SLC28A1: variants seen among roughly 807,000 people sequenced by gnomAD.
SLC28A1 encodes solute carrier family 28 member 1, also known as sodium/nucleoside cotransporter 1.
In SLC28A1, 64 loss-of-function variants were observed where a neutral mutation model predicts 74.8. That is an observed-to-expected ratio of 0.86 (90% CI 0.70 to 1.05). The LOEUF (loss-of-function observed/expected upper bound fraction) is 1.05. Among genes scored for constraint, SLC28A1 ranks in the 50% least tolerant of loss-of-function variants. The pLI, the probability that SLC28A1 is intolerant of heterozygous loss-of-function variation, is 0.00. For missense variants in SLC28A1, 828 were observed against 822.8 expected (o/e 1.01, Z -0.08); for synonymous variants, 359 against 335.0 (o/e 1.07, Z -0.78).
chr15:84,970,542 C>T, the SLC28A1 span, among the ~76,000 whole-genome samples: 6 of 152,166 alleles, frequency 3.9e-5, no homozygotes, highest in African/African-American at 1.4e-4. Flanking sequence ...CTCCTCCCCT[C>T]ACAGATGGGG....
chr15:84,927,781 C>T (rs149478832), intron 12 of SLC28A1, among the ~76,000 whole-genome samples: 1 of 152,216 alleles, frequency 6.6e-6, no homozygotes, highest in East Asian at 1.9e-4. Flanking sequence ...AGAAAAACTT[C>T]TTCTGAGGCT....
chr15:84,928,606 TC>T (rs1567172768), intron 12 of SLC28A1, among the ~76,000 whole-genome samples: 4 of 42,460 alleles, frequency 9.4e-5, no homozygotes, highest in African/African-American at 3.9e-4. Flanking sequence ...TTCTTTCTTT[TC>T]TTTCTTTCTT....
chr15:84,958,678 C>G, the SLC28A1 span, among the ~76,000 whole-genome samples: 1 of 152,060 alleles, frequency 6.6e-6, no homozygotes, highest in Non-Finnish European at 1.5e-5. Flanking sequence ...CTCAGCCTCC[C>G]AAATAGCTGG....
the SLC28A1 span, among the ~76,000 whole-genome samples, chr15:84,954,142 G>A: frequency 6.6e-6 from 1 of 152,164 alleles, no homozygotes; most frequent in Admixed American, 6.5e-5. Context: ...GAATGTGATT[G>A]ATCTGTCAGG....
chr15:84,921,739 G>A (rs1969855287), intron 11 of SLC28A1, among the ~76,000 whole-genome samples: 2 of 152,138 alleles, frequency 1.3e-5, no homozygotes, highest in Non-Finnish European at 2.9e-5. Flanking sequence ...CATGTGTGTT[G>A]ATTTGAAAGT....
chr15:84,895,096 A>G lies in SLC28A1; in HGVS notation c.434A>G (p.His145Arg). 1 of 1,613,816 alleles carries G rather than the reference A, an allele frequency of 6.2e-7. No individual in the cohort carries two copies. Among genetic ancestry groups the G allele is most frequent in the Non-Finnish European group, 8.5e-7 (1 of 1,179,804 alleles). The change falls in exon 6 of 19, where the codon CAT (histidine) becomes CGT (arginine). Residue 145 changes from histidine (H) to arginine (R), a missense_variant. By Grantham distance (29) the His-to-Arg change is conservative. Around this residue, in one of 3 missense-constraint regions of SLC28A1, gnomAD observed 767 missense variants for 753.5 expected, o/e 1.02. Transcript: ENST00000394573. ...KLRRFLKPQG[H>R]PRLLLWFKRG... ...AGGAGGTTTCTCAAGCCTCAGGGCC[A>G]TCCCCGCCTGCTGCTCTGGTTTAAG...
Position 84,933,596 on chromosome 15 carries a change from C to T in SLC28A1, c.1214+321C>T, listed in dbSNP as rs561310366. On this transcript the variant is annotated intron_variant, in intron 13 of 18. Coordinates refer to ENST00000394573, the MANE Select transcript of SLC28A1 (RefSeq NM_004213.5). ...GATTCTGCAGAGTCCCAAGTTGGCACAGGGCATCACATGGCGAGGGGTTGA... is the reference window on the plus strand; with the variant it reads ...GATTCTGCAGAGTCCCAAGTTGGCATAGGGCATCACATGGCGAGGGGTTGA... 7.7e-4 allele frequency among the ~76,000 whole-genome samples: 118 copies of T among 152,258 alleles called. 1 individual carries two copies. The highest frequency in any genetic ancestry group is 1.5e-3 in the Non-Finnish European group (101 of 68,012).
At chr15:84,920,703 G>GTGTGTGTGTGTGTGTGTGTGT (rs113735505) in intron 10 of SLC28A1, among the ~76,000 whole-genome samples, 2,439 of 137,352 alleles carry the variant, frequency 0.018, 59 homozygotes, top group African/African-American at 0.046. Context: ...ATCTCCAAGG[G>GTGTGTGTGTGTGTGTGTGTGT]GTGTGTGTGT....
intron 6 of SLC28A1, among the ~76,000 whole-genome samples, chr15:84,899,026 A>T (rs1468077770): frequency 6.6e-6 from 1 of 152,246 alleles, no homozygotes; most frequent in Middle Eastern, 3.4e-3. Context: ...CAAGGAAACT[A>T]CCCTAGGGCT....
intron 15 of SLC28A1, chr15:84,939,579 G>A: frequency 6.6e-6 from 1 of 151,894 alleles, no homozygotes; most frequent in East Asian, 1.9e-4. Context: ...TTCTGTTATT[G>A]CCCTTTATGT....
intron 7 of SLC28A1, among the ~76,000 whole-genome samples, chr15:84,904,764 AATTCT>A (rs1428944307): frequency 5.9e-4 from 2 of 3,406 alleles, no homozygotes; most frequent in African/African-American, 3.7e-3. Flanking sequence ...CAGCAAGCAC[AATTCT>A]GATGTGTACT....
At position 84,904,154 on chromosome 15, in the gene SLC28A1, C is replaced by A; in HGVS notation, c.519C>A (p.Ser173=). The change falls in exon 7 of 19, where the codon TCC becomes TCA. Residue 173 remains serine, a synonymous_variant. Transcript: ENST00000394573. ...TCCTGTGGCTGTCTCTGGACACCTC[C>A]CAGCGGCCTGAGCAACTGGTGTCCT... ...GLVLWLSLDT[S]QRPEQLVSFA... 6.2e-7 allele frequency: 1 copy of A among 1,614,180 alleles called. No homozygotes were observed. Among genetic ancestry groups the A allele is most frequent in the Non-Finnish European group, 8.5e-7 (1 of 1,180,028 alleles).
At chr15:84,910,599 A>G (rs975055752) in intron 9 of SLC28A1, among the ~76,000 whole-genome samples, 1 of 152,126 alleles carries the variant, frequency 6.6e-6, no homozygotes, top group Admixed American at 6.5e-5. Flanking sequence ...GTGGTGGTGC[A>G]TGCCTGTAAT....
At chr15:84,920,194 C>T (rs929982262) in intron 10 of SLC28A1, among the ~76,000 whole-genome samples, 2 of 152,204 alleles carry the variant, frequency 1.3e-5, no homozygotes, top group Non-Finnish European at 2.9e-5. Context: ...GCCTGTAATC[C>T]CAGCACTTTG....
At chr15:84,888,542 C>T (rs568088121) in intron 3 of SLC28A1, among the ~76,000 whole-genome samples, 14 of 152,332 alleles carry the variant, frequency 9.2e-5, no homozygotes, top group African/African-American at 2.2e-4. Flanking sequence ...TCTGTCCCTG[C>T]GCAGACCATG....
At chr15:84,964,341 C>T in the SLC28A1 span, among the ~76,000 whole-genome samples, 1 of 152,148 alleles carries the variant, frequency 6.6e-6, no homozygotes, top group African/African-American at 2.4e-5. Flanking sequence ...GCAAGGAAGA[C>T]ATTGAAGGAA....
intron 6 of SLC28A1, among the ~76,000 whole-genome samples, chr15:84,903,005 C>G (rs1346473366): frequency 6.6e-6 from 1 of 152,204 alleles, no homozygotes; most frequent in Non-Finnish European, 1.5e-5. Flanking sequence ...ACTGGGATTA[C>G]AGGCATGAGC....
chr15:84,972,314 C>T, the SLC28A1 span, among the ~76,000 whole-genome samples: 4 of 152,238 alleles, frequency 2.6e-5, no homozygotes, highest in Admixed American at 2.6e-4. Flanking sequence ...TGATCAATAG[C>T]ATAGATTTCA....
intron 6 of SLC28A1, 22 bp downstream of exon 6, chr15:84,895,145 AG>A: frequency 6.2e-7 from 1 of 1,613,134 alleles, no homozygotes; most frequent in Non-Finnish European, 8.5e-7. Context: ...CACAGCCCCG[AG>A]GCAGGGCAGG....
Sources: allele counts gnomAD v4.1 joint callset (sites outside exome capture counted in the v4.1 genomes callset), GRCh38; gene constraint gnomAD v4.1.1; regional missense constraint gnomAD v4.1.1; transcripts MANE v1.5; gene names NCBI Gene and HGNC (gene_info 2026-07-23, HGNC 2026-07-21).